Variants in SFT2D1 observed in about 807,000 individuals in gnomAD.
SFT2D1 encodes the protein vesicle transport protein SFT2A.
Under a neutral mutation model 28.1 loss-of-function variants are expected in SFT2D1, and 24 were observed. The observed-to-expected ratio is 0.85, with a 90% CI of 0.62 to 1.20. The LOEUF (loss-of-function observed/expected upper bound fraction) is 1.20, where lower values mean the gene tolerates loss of function less well. Among genes scored for constraint, SFT2D1 ranks in the 50% most tolerant of loss-of-function variants. The pLI is 0.00. For missense variants in SFT2D1, 181 were observed against 190.9 expected (o/e 0.95, Z 0.31); for synonymous variants, 82 against 73.7 (o/e 1.11, Z -0.58).
At chr6:166,340,148 CT>C (rs879434427) in intron 1 of SFT2D1, among the ~76,000 whole-genome samples, 13 of 152,226 alleles carry the variant, frequency 8.5e-5, no homozygotes, top group Non-Finnish European at 1.6e-4. Flanking sequence ...AATCTGACCA[CT>C]TTTTTGTTTT....
intron 5 of SFT2D1, among the ~76,000 whole-genome samples, chr6:166,325,472 A>G (rs1172510084): frequency 6.6e-6 from 1 of 152,240 alleles, no homozygotes; most frequent in Non-Finnish European, 1.5e-5. Flanking sequence ...ACTTCTTTAA[A>G]GGCTAATGAA....
chr6:166,342,524 C>G lies in SFT2D1; in HGVS notation c.-43G>C. On this transcript the variant is annotated 5_prime_UTR_variant, in exon 1 of 8. Coordinates refer to ENST00000361731, the MANE Select transcript of SFT2D1 (RefSeq NM_145169.3). ...GTAGCGGCCGCCACTCTGTTGCCTG[C>G]CCCTGACGCCCACCAGGAAACCCCG... 6.8e-7 allele frequency: 1 copy of G among 1,480,542 alleles called. No homozygotes were observed. 91.7% of individuals were successfully genotyped at this position (1,480,542 alleles called of 1,614,324 possible). A position where few individuals can be genotyped will look rare whatever the true frequency, so the allele number is the denominator to read the frequency against.
intron 1 of SFT2D1, among the ~76,000 whole-genome samples, chr6:166,340,556 C>T (rs756345916): frequency 1.3e-5 from 2 of 152,180 alleles, no homozygotes; most frequent in Non-Finnish European, 2.9e-5. Context: ...TCTGTATCTG[C>T]CTTGGAGGCT....
At position 166,330,206 on chromosome 6, in the gene SFT2D1, T is replaced by C. The variant is rs1274513177; in HGVS notation, c.105A>G (p.Lys35=). The C allele has an allele frequency of 6.2e-7, 1 of 1,607,496 alleles. No homozygotes were observed. Among genetic ancestry groups the C allele is most frequent in the East Asian group, 2.2e-5 (1 of 44,744 alleles). The part of the protein sequence containing the change: ...ASSLSFNTRL[K]WFAICFVCGV... ...CACATACGAAGCAGATGGCAAACCA[T>C]TTCAATCTGGTGTTGAAACTAAGGG... is the stretch of plus-strand genomic sequence containing the variant. The change falls in exon 2 of 8, where the codon AAA becomes AAG. Residue 35 remains lysine, a synonymous_variant. Transcript: ENST00000361731.
rs1463707725 is a variant in SFT2D1, at chr6:166,329,502, C to T, written c.233+5G>A. The T allele has an allele frequency of 7.5e-6, 12 of 1,601,858 alleles. No individual in the cohort carries two copies. Among genetic ancestry groups the T allele is most frequent in the East Asian group, 2.2e-5 (1 of 44,844 alleles). Reference sequence around the variant, plus strand: ...AAACAAGATATTTTGAGAAGCCAAACGTACCTGGCTAACGCAGCAAGATTG... The same window carrying T: ...AAACAAGATATTTTGAGAAGCCAAATGTACCTGGCTAACGCAGCAAGATTG... On this transcript the variant is annotated splice_donor_5th_base_variant and intron_variant, in intron 3 of 7. Transcript: ENST00000361731.
intron 4 of SFT2D1, 107 bp downstream of exon 4, chr6:166,328,169 A>G: frequency 2.1e-6 from 1 of 480,294 alleles, no homozygotes; most frequent in Non-Finnish European, 3.4e-6. Flanking sequence ...TAATAAAAAA[A>G]AATAAAAATA....
chr6:166,338,930 T>C (rs996622604), intron 1 of SFT2D1, among the ~76,000 whole-genome samples: 2 of 152,136 alleles, frequency 1.3e-5, no homozygotes, highest in Non-Finnish European at 2.9e-5. Context: ...TGATGCAGCC[T>C]GGATGTCAGG....
At chr6:166,336,252 C>T (rs902776058) in intron 1 of SFT2D1, among the ~76,000 whole-genome samples, 1 of 152,108 alleles carries the variant, frequency 6.6e-6, no homozygotes, top group Non-Finnish European at 1.5e-5. Context: ...TCAGTGAGCT[C>T]GGTGTAGCTG....
Position 166,326,183 on chromosome 6 carries a change from GAGT to G in SFT2D1, c.316-19_316-17del. ...TGAAACACAACTACAGGGGAAGAAA[GAGT>G]AGATTATAAGTTTGAGATCCTTTCA... On this transcript the variant is annotated splice_polypyrimidine_tract_variant and intron_variant, in intron 4 of 7. Transcript: ENST00000361731. The G allele has an allele frequency of 6.2e-7, 1 of 1,610,914 alleles. No homozygotes were observed. Among genetic ancestry groups the G allele is most frequent in the Non-Finnish European group, 8.5e-7 (1 of 1,177,728 alleles).
chr6:166,338,404 C>T (rs1050471782), intron 1 of SFT2D1, among the ~76,000 whole-genome samples: 3 of 152,102 alleles, frequency 2.0e-5, no homozygotes, highest in African/African-American at 4.8e-5. Context: ...CAGCACCTAG[C>T]GTACTTACAT....
intron 1 of SFT2D1, chr6:166,334,767 C>T: frequency 2.5e-6 from 1 of 392,356 alleles, no homozygotes; most frequent in Non-Finnish European, 4.9e-6. Context: ...TGGGTTTGTC[C>T]TGTATGCCGC....
In SFT2D1 at chr6:166,329,489, T is replaced by C. The variant is rs1288381107; in HGVS notation, c.233+18A>G. On this transcript the variant is annotated intron_variant, in intron 3 of 7. Transcript: ENST00000361731. ...TGGTAGCAAGAGCAAACAAGATATT[T>C]TGAGAAGCCAAACGTACCTGGCTAA... 20 of 1,598,568 alleles carry C rather than the reference T, an allele frequency of 1.3e-5. No homozygotes were observed. The African/African-American group carries it at 2.0e-4, about 16-fold the overall frequency.
chr6:166,334,369 C>T (rs1020277207), intron 1 of SFT2D1, among the ~76,000 whole-genome samples: 5 of 152,216 alleles, frequency 3.3e-5, no homozygotes, highest in African/African-American at 1.2e-4. Flanking sequence ...CTGAGGCAGG[C>T]GGATTGCTTG....
chr6:166,321,015 C>A (rs917391060), intron 7 of SFT2D1, among the ~76,000 whole-genome samples: 8 of 151,934 alleles, frequency 5.3e-5, no homozygotes, highest in African/African-American at 1.9e-4. Flanking sequence ...GGAGGCTGAG[C>A]CAGGAGAAAC....
rs755134036 is a variant in SFT2D1 at position 166,322,832 on chromosome 6, G to A, written c.440+25C>T. On this transcript the variant is annotated intron_variant, in intron 7 of 7. Transcript: ENST00000361731. Reference sequence around the variant, plus strand: ...GTGAAGATAAGTAAAGAACCAGAAAGAAGACAAGATTCAAACAAGCTTACC... The same window carrying A: ...GTGAAGATAAGTAAAGAACCAGAAAAAAGACAAGATTCAAACAAGCTTACC... 8.8e-6 allele frequency: 14 copies of A among 1,594,174 alleles called. No individual in the cohort carries two copies. In the South Asian group the frequency reaches 1.6e-4, roughly 18 times the overall value.
rs911331152 is a variant in SFT2D1 at position 166,342,346 on chromosome 6, C to A, written c.63+73G>T. On this transcript the variant is annotated intron_variant, in intron 1 of 7. Coordinates refer to ENST00000361731, the MANE Select transcript of SFT2D1 (RefSeq NM_145169.3). ...CCCCCGGCCTCGCACCCACCCCACC[C>A]GCTCGGCCGGTCCTCAGTGCGGCCG... The A allele has an allele frequency of 4.7e-5, 67 of 1,423,152 alleles. No homozygotes were observed. In the Middle Eastern group the frequency reaches 1.1e-3, roughly 23 times the overall value. 88.2% of individuals were successfully genotyped at this position (1,423,152 alleles called of 1,614,324 possible).
chr6:166,337,252 G>A (rs1260916615), intron 1 of SFT2D1, among the ~76,000 whole-genome samples: 1 of 152,212 alleles, frequency 6.6e-6, no homozygotes, highest in East Asian at 1.9e-4. Flanking sequence ...GGGACCCCCA[G>A]CTGGCACACG....
At chr6:166,340,655 T>C (rs1583044685) in intron 1 of SFT2D1, among the ~76,000 whole-genome samples, 3 of 152,328 alleles carry the variant, frequency 2.0e-5, no homozygotes, top group African/African-American at 4.8e-5. Context: ...CTAAGTAATA[T>C]GGCAACCCCA....
chr6:166,322,711 A>T, intron 7 of SFT2D1, 146 bp downstream of exon 7: 1 of 644,118 alleles, frequency 1.6e-6, no homozygotes, highest in Non-Finnish European at 2.6e-6. Flanking sequence ...AAAAAAAAAA[A>T]GTATGTTTAT....
Sources: allele counts gnomAD v4.1 joint callset (sites outside exome capture counted in the v4.1 genomes callset), GRCh38; gene constraint gnomAD v4.1.1; transcripts MANE v1.5; gene names NCBI Gene and HGNC (gene_info 2026-07-23, HGNC 2026-07-21).